The following SEMA6D variants were observed in gnomAD, a reference collection of about 807,000 sequenced individuals.
SEMA6D encodes semaphorin 6D.
A neutral mutation model predicts 106.6 loss-of-function variants in SEMA6D; 35 were observed. The ratio of observed to expected loss-of-function variants is 0.33; its 90% CI spans 0.25 to 0.44. The LOEUF is 0.44. SEMA6D is among the 20% of genes least tolerant of loss of function. SEMA6D has a pLI of 1.00. For synonymous variants in SEMA6D, 499 were observed against 487.7 expected (o/e 1.02, Z -0.31); for missense variants, 1,185 against 1,345.9 (o/e 0.88, Z 1.87).
chr15:47,195,050 T>C (rs1266388521), intron 1 of SEMA6D, among the ~76,000 whole-genome samples: 1 of 152,320 alleles, frequency 6.6e-6, no homozygotes, highest in East Asian at 1.9e-4. Context: ...AAAAGAATCA[T>C]TTCCAGATGC....
intron 3 of SEMA6D, among the ~76,000 whole-genome samples, chr15:47,494,340 A>G (rs949233478): frequency 2.0e-5 from 3 of 152,086 alleles, no homozygotes; most frequent in African/African-American, 7.2e-5. Context: ...AACTCTTTCA[A>G]TCATGCAGAA....
At chr15:47,353,793 G>A (rs1367435292) in intron 1 of SEMA6D, among the ~76,000 whole-genome samples, 1 of 152,018 alleles carries the variant, frequency 6.6e-6, no homozygotes, top group Admixed American at 6.6e-5. Context: ...TTTCCTAAAG[G>A]CAACAGTGAA....
At chr15:47,486,021 G>A (rs868083480) in intron 3 of SEMA6D, among the ~76,000 whole-genome samples, 1 of 152,160 alleles carries the variant, frequency 6.6e-6, no homozygotes, top group Non-Finnish European at 1.5e-5. Flanking sequence ...GTATGAGAGT[G>A]TGGTTAGGAG....
At chr15:47,496,967 C>T (rs1596155393) in intron 3 of SEMA6D, among the ~76,000 whole-genome samples, 3 of 152,012 alleles carry the variant, frequency 2.0e-5, no homozygotes, top group Admixed American at 6.6e-5. Flanking sequence ...CAATGCACCA[C>T]TAGTTTGTGC....
In SEMA6D at chr15:47,563,208, C is replaced by A. The variant is rs143676409; in HGVS notation, c.-86-37657C>A. 1.7e-3 allele frequency among the ~76,000 whole-genome samples: 259 copies of A among 152,234 alleles called. 1 individual carries two copies. The highest frequency in any genetic ancestry group is 6.1e-3 in the African/African-American group (255 of 41,554). On this transcript the variant is annotated intron_variant, in intron 3 of 19. Coordinates refer to the SEMA6D transcript ENST00000558014. ...GAAGCTGCAATTGATTACAAATGGG[C>A]TCAAGGAAATTTTATTGTGTGATGG...
chr15:47,702,804 G>A (rs1159810060), intron 4 of SEMA6D, among the ~76,000 whole-genome samples: 2 of 152,122 alleles, frequency 1.3e-5, no homozygotes, highest in Non-Finnish European at 2.9e-5. Context: ...TGACATTCTG[G>A]AAAAGGCAAA....
At chr15:47,723,857 T>C (rs1350955724) in intron 1 of SEMA6D, among the ~76,000 whole-genome samples, 2 of 152,222 alleles carry the variant, frequency 1.3e-5, no homozygotes. Context: ...ACATATATAA[T>C]AAGGCCTCAG....
intron 4 of SEMA6D, among the ~76,000 whole-genome samples, chr15:47,711,076 G>A (rs1207499053): frequency 1.3e-5 from 2 of 151,968 alleles, no homozygotes; most frequent in Non-Finnish European, 1.5e-5. Context: ...TTGGGAGGCC[G>A]AGGCGGGCGG....
intron 4 of SEMA6D, among the ~76,000 whole-genome samples, chr15:47,665,692 C>G (rs2078012287): frequency 1.3e-5 from 2 of 152,204 alleles, no homozygotes; most frequent in South Asian, 4.2e-4. Context: ...TGCCTGTAAT[C>G]CTAGCTACTC....
chr15:47,220,285 C>T (rs1003295343), intron 1 of SEMA6D, among the ~76,000 whole-genome samples: 1 of 152,222 alleles, frequency 6.6e-6, no homozygotes, highest in Admixed American at 6.5e-5. Flanking sequence ...TGTTCTCTAT[C>T]TCTTGCCAAA....
At chr15:47,248,286 G>T (rs2033311290) in intron 1 of SEMA6D, among the ~76,000 whole-genome samples, 1 of 152,150 alleles carries the variant, frequency 6.6e-6, no homozygotes, top group Middle Eastern at 3.2e-3. Flanking sequence ...AAAGACAACA[G>T]CTATTATCCA....
At chr15:47,655,880 G>T (rs903906658) in intron 4 of SEMA6D, among the ~76,000 whole-genome samples, 8 of 152,338 alleles carry the variant, frequency 5.3e-5, no homozygotes, top group African/African-American at 1.9e-4. Flanking sequence ...GTCATTTCTG[G>T]ATTTGCACAA....
At chr15:47,571,552 C>A (rs1434609958) in intron 3 of SEMA6D, among the ~76,000 whole-genome samples, 1 of 152,208 alleles carries the variant, frequency 6.6e-6, no homozygotes, top group Non-Finnish European at 1.5e-5. Flanking sequence ...AATCTTCAAT[C>A]CAGGTTTAAG....
chr15:47,375,641 T>C (rs2039423114), intron 1 of SEMA6D, among the ~76,000 whole-genome samples: 1 of 152,168 alleles, frequency 6.6e-6, no homozygotes, highest in Non-Finnish European at 1.5e-5. Flanking sequence ...TAGCAAAAAA[T>C]TCATCTATTG....
chr15:47,639,519 T>C (rs2077451556), intron 4 of SEMA6D, among the ~76,000 whole-genome samples: 1 of 152,162 alleles, frequency 6.6e-6, no homozygotes, highest in South Asian at 2.1e-4. Context: ...TCCTCAGTCC[T>C]CAAGTGTGGG....
chr15:47,457,939 A>G (rs1250505528), intron 2 of SEMA6D, among the ~76,000 whole-genome samples: 1 of 151,970 alleles, frequency 6.6e-6, no homozygotes, highest in Admixed American at 6.6e-5. Flanking sequence ...ACAAAAAGAG[A>G]ACATAAAAAT....
At chr15:47,533,159 G>A (rs1474717983) in intron 3 of SEMA6D, among the ~76,000 whole-genome samples, 7 of 152,200 alleles carry the variant, frequency 4.6e-5, no homozygotes, top group African/African-American at 1.7e-4. Context: ...CTGAGATAAT[G>A]TGTTTATTTT....
chr15:47,731,743 C>T (rs1170521610), intron 1 of SEMA6D, among the ~76,000 whole-genome samples: 1 of 152,166 alleles, frequency 6.6e-6, no homozygotes, highest in African/African-American at 2.4e-5. Context: ...CTTTAACACT[C>T]CATCAAAGAT....
rs5812407 is a variant in SEMA6D, at chr15:47,691,849, TAA to T, written c.-54-67885_-54-67884del. Reference sequence around the variant, plus strand: ...TATACCTTCGTGGAAGAAAAGACAGTAAAAAAAAAAAAGGAAAATACATAAAA... The same window carrying T: ...TATACCTTCGTGGAAGAAAAGACAGTAAAAAAAAAAGGAAAATACATAAAA... On this transcript the variant is annotated intron_variant, in intron 4 of 19. Coordinates refer to the SEMA6D transcript ENST00000558014. Among the ~76,000 whole-genome samples the T allele has an allele frequency of 1.1e-3, 154 of 144,454 alleles. 2 individuals are homozygous for T. Among genetic ancestry groups the T allele is most frequent in the Middle Eastern group, 3.5e-3 (1 of 284 alleles). The allele number at this position is 144,454 out of a possible 152,430, so 94.8% of individuals were successfully genotyped here.
Sources: allele counts gnomAD v4.1 joint callset (sites outside exome capture counted in the v4.1 genomes callset), GRCh38; gene constraint gnomAD v4.1.1; transcripts MANE v1.5; gene names NCBI Gene and HGNC (gene_info 2026-07-23, HGNC 2026-07-21).